Variants in SEC31B observed in about 807,000 individuals in gnomAD.
The protein encoded by SEC31B is protein transport protein Sec31B.
A neutral mutation model predicts 135.0 loss-of-function variants in SEC31B; 113 were observed. That is an observed-to-expected ratio of 0.84 (90% CI 0.72 to 0.98). The LOEUF is 0.98. Among genes scored for constraint, SEC31B ranks in the 50% least tolerant of loss-of-function variants. SEC31B has a pLI of 0.00. For synonymous variants in SEC31B, 508 were observed against 549.4 expected (o/e 0.92, Z 1.05); for missense variants, 1,296 against 1,421.1 (o/e 0.91, Z 1.42).
At position 100,505,331 on chromosome 10, in the gene SEC31B, C is replaced by T; in HGVS notation, c.1179+30G>A. The T allele has an allele frequency of 3.1e-6, 5 of 1,610,882 alleles. No homozygotes were observed. In the South Asian group the frequency reaches 4.4e-5, roughly 14 times the overall value. On this transcript the variant is annotated intron_variant, in intron 10 of 25. Transcript: ENST00000370345. The stretch of plus-strand genomic sequence containing the variant: ...ACACACACACACACACACACAAACA[C>T]ACACACACCTATACATCCACTACAC...
chr10:100,499,952 T>C lies in SEC31B; in HGVS notation c.1411-354A>G, dbSNP rs372992356. ...CTGGAACTATGTAACCTAGAAATAATTAATGTGAACAACATGCTATGCATT... is the reference window on the plus strand; with the variant it reads ...CTGGAACTATGTAACCTAGAAATAACTAATGTGAACAACATGCTATGCATT... On this transcript the variant is annotated intron_variant, in intron 11 of 25. Transcript: ENST00000370345. Among the ~76,000 whole-genome samples the C allele has an allele frequency of 2.0e-5, 3 of 152,182 alleles. No individual in the cohort carries two copies. In the East Asian group the frequency reaches 5.8e-4, roughly 29 times the overall value.
chr10:100,511,036 C>T (rs551156006), intron 3 of SEC31B, among the ~76,000 whole-genome samples: 1 of 152,224 alleles, frequency 6.6e-6, no homozygotes, highest in East Asian at 1.9e-4. Flanking sequence ...GAGGGTGCAG[C>T]GACCTCAGCA....
intron 3 of SEC31B, among the ~76,000 whole-genome samples, chr10:100,511,168 T>A (rs899425398): frequency 1.3e-5 from 2 of 152,246 alleles, no homozygotes; most frequent in Non-Finnish European, 2.9e-5. Flanking sequence ...GTTTGCCACA[T>A]ACAGGGTGTG....
intron 19 of SEC31B, among the ~76,000 whole-genome samples, chr10:100,494,227 C>T (rs1851361222): frequency 2.0e-5 from 3 of 152,108 alleles, no homozygotes; most frequent in Admixed American, 2.0e-4. Context: ...CTCAGTACCC[C>T]CAACCACACA....
chr10:100,519,702 C>G (rs1851918288), intron 1 of SEC31B, 80 bp downstream of exon 1: 1 of 152,280 alleles, frequency 6.6e-6, no homozygotes, highest in Non-Finnish European at 1.5e-5. Context: ...CCTCCGCGCT[C>G]TGCCGAGAAA....
Position 100,487,773 on chromosome 10 carries a change from C to A in SEC31B, c.3383G>T (p.Gly1128Val), listed in dbSNP as rs1213966589. The change falls in exon 26 of 26, where the codon GGG becomes GTG. Residue 1128 changes from glycine to valine, a missense_variant. Physicochemically the swap from Gly to Val is moderately radical, Grantham distance 109. Coordinates refer to ENST00000370345, the MANE Select transcript of SEC31B (RefSeq NM_015490.4). Reference protein sequence around the residue: ...EGTLSPHVVAGLHEVARCVDA... With the variant: ...EGTLSPHVVAVLHEVARCVDA... ...CACACATCGGGCAACCTCATGGAGC[C>A]CAGCCACGACATGAGGTGAGAGCTG... 1.2e-6 allele frequency: 2 copies of A among 1,614,032 alleles called. No individual in the cohort carries two copies. Among genetic ancestry groups the A allele is most frequent in the Admixed American group, 1.7e-5 (1 of 60,022 alleles).
At chr10:100,497,008 G>A (rs1411021880) in intron 17 of SEC31B, 127 bp downstream of exon 17, 22 of 1,065,492 alleles carry the variant, frequency 2.1e-5, no homozygotes, top group Non-Finnish European at 2.8e-5. Context: ...AGGACCTTTC[G>A]CTCCTCCCTA....
chr10:100,509,134 C>T, intron 4 of SEC31B, 32 bp from the exon 5 acceptor site: 1 of 1,595,596 alleles, frequency 6.3e-7, no homozygotes, highest in Non-Finnish European at 8.6e-7. Flanking sequence ...GGAGACATAC[C>T]ACCCTAGGAA....
In SEC31B at chr10:100,497,183, C is replaced by T. The variant is rs772513963; in HGVS notation, c.2088G>A (p.Val696=). 1 of 1,614,158 alleles carries T rather than the reference C, an allele frequency of 6.2e-7. No homozygotes were observed. The highest frequency in any genetic ancestry group is 8.5e-7 in the Non-Finnish European group (1 of 1,180,028). Reference sequence around the variant, plus strand: ...CCTGGTGGCATTTTGCCCAGCACTCCACCAGCCGCTCCACACTCCCTGAGC... The same window carrying T: ...CCTGGTGGCATTTTGCCCAGCACTCTACCAGCCGCTCCACACTCCCTGAGC... ...YVCSGSVERL[V]ECWAKCHQAL... The change falls in exon 17 of 26, where the codon GTG becomes GTA. Residue 696 remains valine, a synonymous_variant. Transcript: ENST00000370345.
At chr10:100,498,831 A>G (rs1851463471) in intron 13 of SEC31B, 27 bp from the exon 14 acceptor site, 1 of 1,542,474 alleles carries the variant, frequency 6.5e-7, no homozygotes, top group South Asian at 1.1e-5. Flanking sequence ...AGAGGTGACT[A>G]CTTAGGGATG....
intron 14 of SEC31B, chr10:100,498,434 A>T (rs567003878): frequency 1.6e-6 from 1 of 608,782 alleles, no homozygotes; most frequent in Non-Finnish European, 2.9e-6. Context: ...GCACAGTGTG[A>T]GGTGTGCTTG....
At position 100,502,431 on chromosome 10, in the gene SEC31B, C is replaced by A. The variant is rs745825755; in HGVS notation, c.1233G>T (p.Val411=). 6.2e-7 allele frequency: 1 copy of A among 1,614,106 alleles called. No individual in the cohort carries two copies. The highest frequency in any genetic ancestry group is 8.5e-7 in the Non-Finnish European group (1 of 1,180,034). The part of the protein sequence containing the change: ...FGLPSTPAHL[V]PQPCPRLVFI... The stretch of plus-strand genomic sequence containing the variant: ...AGACTAGGCGGGGGCAAGGCTGTGG[C>A]ACCAGATGGGCAGGGGTGCTGGGGA... Residue 411 remains valine, a synonymous_variant, in exon 11 of 26, where the codon GTG becomes GTT. Transcript: ENST00000370345.
chr10:100,508,083 C>G, intron 5 of SEC31B, 32 bp from the exon 6 acceptor site: 1 of 1,613,076 alleles, frequency 6.2e-7, no homozygotes, highest in Non-Finnish European at 8.5e-7. Flanking sequence ...AAGATGACAA[C>G]TTGTCACCCC....
At chr10:100,503,050 T>G (rs144714718) in intron 10 of SEC31B, among the ~76,000 whole-genome samples, 1 of 152,330 alleles carries the variant, frequency 6.6e-6, no homozygotes, top group Non-Finnish European at 1.5e-5. Flanking sequence ...CTTCCTGCAG[T>G]GCACAAACCT....
At chr10:100,498,336 A>C in intron 14 of SEC31B, 129 bp from the exon 15 acceptor site, 2 of 890,756 alleles carry the variant, frequency 2.2e-6, no homozygotes, top group Non-Finnish European at 3.4e-6. Context: ...CTAAATCCTC[A>C]AGTTTCACTC....
rs755871475 is a variant in SEC31B, at chr10:100,498,219, A to C, written c.1685-12T>G. On this transcript the variant is annotated splice_polypyrimidine_tract_variant and intron_variant, in intron 14 of 25. Transcript: ENST00000370345. ...GAGTCCATCAATATCTGCAGGCAGA[A>C]GCATCCCCTGTGCATTAGTTGCTCT... 1 of 1,613,980 alleles carries C rather than the reference A, an allele frequency of 6.2e-7. No homozygotes were observed. Among genetic ancestry groups the C allele is most frequent in the South Asian group, 1.1e-5 (1 of 91,076 alleles).
Position 100,507,406 on chromosome 10 carries a change from A to G in SEC31B, c.782+19T>C, listed in dbSNP as rs1358465043. ...ATCCACCATCCCCCCAAGGATATGG[A>G]TGACGTCTGAGATGCTACCTGCTGT... On this transcript the variant is annotated intron_variant, in intron 7 of 25. Transcript: ENST00000370345. The G allele has an allele frequency of 1.9e-6, 3 of 1,614,160 alleles. No individual in the cohort carries two copies. The highest frequency in any genetic ancestry group is 1.7e-5 in the Admixed American group (1 of 60,032).
intron 2 of SEC31B, 129 bp downstream of exon 2, chr10:100,516,745 A>G: frequency 3.2e-6 from 2 of 629,692 alleles, no homozygotes; most frequent in Non-Finnish European, 5.4e-6. Flanking sequence ...CTCCTTGCTT[A>G]TGCTGTGAGC....
intron 17 of SEC31B, 142 bp downstream of exon 17, chr10:100,496,993 C>T (rs1393092564): frequency 3.6e-6 from 3 of 825,610 alleles, no homozygotes; most frequent in East Asian, 5.3e-5. Context: ...AGATCCCAGA[C>T]ATTCAGGACC....
Sources: allele counts gnomAD v4.1 joint callset (sites outside exome capture counted in the v4.1 genomes callset), GRCh38; gene constraint gnomAD v4.1.1; transcripts MANE v1.5; gene names NCBI Gene and HGNC (gene_info 2026-07-23, HGNC 2026-07-21).